AGO2: variants seen among roughly 807,000 people sequenced by gnomAD.
The protein encoded by AGO2 is protein argonaute-2.
In AGO2, 5 loss-of-function variants were observed where a neutral mutation model predicts 102.3. That is an observed-to-expected ratio of 0.05 (90% confidence interval 0.03 to 0.10). The LOEUF is 0.10. Among genes scored for constraint, AGO2 ranks in the 10% least tolerant of loss-of-function variants. The pLI is 1.00. For missense variants in AGO2, 541 were observed against 1,183.7 expected (o/e 0.46, Z 7.97); for synonymous variants, 449 against 473.1 (o/e 0.95, Z 0.66).
chr8:140,577,232 A>G (rs1046820828), intron 2 of AGO2, among the ~76,000 whole-genome samples: 3 of 151,536 alleles, frequency 2.0e-5, no homozygotes, highest in Non-Finnish European at 4.4e-5. Flanking sequence ...AAAAAAAGAA[A>G]CATGCCTGGG....
At position 140,532,163 on chromosome 8, in the gene AGO2, G is replaced by A; in HGVS notation, c.2472-11C>T. 1 of 1,393,436 alleles carries A rather than the reference G, an allele frequency of 7.2e-7. No homozygotes were observed. The highest frequency in any genetic ancestry group is 1.9e-4 in the Middle Eastern group (1 of 5,334). 86.3% of individuals were successfully genotyped at this position (1,393,436 alleles called of 1,614,324 possible). On this transcript the variant is annotated splice_polypyrimidine_tract_variant and intron_variant, in intron 18 of 18. Coordinates refer to ENST00000220592, the MANE Select transcript of AGO2 (RefSeq NM_012154.5). ...TGGCTTCCTTCAGCACTGCAGGGAT[G>A]AGAGAGAGAGAGAATGAGAATGTGC...
At chr8:140,575,286 GGCAGCCAGGGCACAATCTCACCTGGCA>G (rs2073446784) in intron 2 of AGO2, among the ~76,000 whole-genome samples, 4 of 151,042 alleles carry the variant, frequency 2.6e-5, no homozygotes, top group Admixed American at 1.3e-4. Context: ...GCACCTCCCT[GGCAGCCAGGGCACAATCTCACCTGGCA>G]CCTCCCTGGC....
At chr8:140,601,093 GACTGGGTCATCCCTC>G (rs1200284722) in intron 1 of AGO2, among the ~76,000 whole-genome samples, 258 of 152,306 alleles carry the variant, frequency 1.7e-3, no homozygotes, top group Non-Finnish European at 2.5e-3. Context: ...CAGGAAGGGC[GACTGGGTCATCCCTC>G]CACTCTCAAG....
At chr8:140,596,672 G>A (rs1338321790) in intron 1 of AGO2, among the ~76,000 whole-genome samples, 4 of 152,228 alleles carry the variant, frequency 2.6e-5, no homozygotes, top group Non-Finnish European at 5.9e-5. Flanking sequence ...GATTTAAAAA[G>A]TACCCAATGC....
intron 1 of AGO2, among the ~76,000 whole-genome samples, chr8:140,634,725 G>A (rs1371616640): frequency 6.6e-6 from 1 of 152,226 alleles, no homozygotes; most frequent in Non-Finnish European, 1.5e-5. Context: ...AAAGGAATTA[G>A]CACTTGAATG....
At chr8:140,584,444 A>G (rs2073615685) in intron 2 of AGO2, among the ~76,000 whole-genome samples, 1 of 152,234 alleles carries the variant, frequency 6.6e-6, no homozygotes, top group Non-Finnish European at 1.5e-5. Flanking sequence ...ACATGCAGCT[A>G]AACACACAGC....
chr8:140,599,583 A>G (rs2073900754), intron 1 of AGO2, among the ~76,000 whole-genome samples: 1 of 152,186 alleles, frequency 6.6e-6, no homozygotes, highest in African/African-American at 2.4e-5. Context: ...GGTCCAGGCC[A>G]TCACCTAAGT....
intron 8 of AGO2, among the ~76,000 whole-genome samples, chr8:140,556,548 G>A (rs775858748): frequency 1.3e-5 from 2 of 152,182 alleles, no homozygotes; most frequent in Admixed American, 6.5e-5. Flanking sequence ...CCAGGTGAGC[G>A]GGGCTGTGTC....
intron 1 of AGO2, among the ~76,000 whole-genome samples, chr8:140,627,231 C>A (rs1327009097): frequency 2.0e-5 from 3 of 152,248 alleles, no homozygotes; most frequent in Admixed American, 1.3e-4. Context: ...CAGGGCAAAG[C>A]ACCCTCGAGT....
At chr8:140,591,526 C>A (rs976189173) in intron 1 of AGO2, among the ~76,000 whole-genome samples, 1 of 152,178 alleles carries the variant, frequency 6.6e-6, no homozygotes, top group Middle Eastern at 3.2e-3. Flanking sequence ...AGCAATACAG[C>A]GTGCACAGGA....
In AGO2 at chr8:140,540,224, T is replaced by C. The variant is rs2072772557; in HGVS notation, c.2035-770A>G. 6.6e-6 allele frequency among the ~76,000 whole-genome samples: 1 copy of C among 152,158 alleles called. No homozygotes were observed. The highest frequency in any genetic ancestry group is 6.5e-5 in the Admixed American group (1 of 15,280). On this transcript the variant is annotated intron_variant, in intron 15 of 18. Transcript: ENST00000220592. This position sits in a 1 kb window ranked among gnomAD's most constrained non-coding sequence, Gnocchi z 5.0. ...GAGGCCATGGGTCTCGGGAACGAGC[T>C]CTGCTTCCGCTCTGGACTGGGAAGG...
rs1332617762 is a variant in AGO2 at position 140,531,251 on chromosome 8, C to T, written c.*793G>A. ...TGTACTGTATTTATCACCACAGACC[C>T]GTATTCTTTAAAAACTTTGGAAAAT... On this transcript the variant is annotated 3_prime_UTR_variant, in exon 19 of 19. Transcript: ENST00000220592. The T allele has an allele frequency of 2.0e-5, 3 of 152,594 alleles. No homozygotes were observed. Among genetic ancestry groups the T allele is most frequent in the Non-Finnish European group, 4.4e-5 (3 of 68,044 alleles). 9.5% of individuals were successfully genotyped at this position (152,594 alleles called of 1,614,324 possible).
chr8:140,573,967 C>T (rs1039501089), intron 2 of AGO2, among the ~76,000 whole-genome samples: 4 of 152,230 alleles, frequency 2.6e-5, no homozygotes, highest in African/African-American at 9.6e-5. Flanking sequence ...CCCAGCCAAA[C>T]CTCAGCCCAC....
In AGO2 at chr8:140,522,163, G is replaced by A. The variant is rs1238088684; in HGVS notation, c.*9881C>T. 1 of 151,964 alleles carries A rather than the reference G, an allele frequency of 6.6e-6. No homozygotes were observed. Among genetic ancestry groups the A allele is most frequent in the Non-Finnish European group, 1.5e-5 (1 of 68,000 alleles). The allele number at this position is 151,964 out of a possible 1,614,324, so 9.4% of individuals were successfully genotyped here. On this transcript the variant is annotated 3_prime_UTR_variant, in exon 19 of 19. Coordinates refer to ENST00000220592, the MANE Select transcript of AGO2 (RefSeq NM_012154.5). ...TCATACTGAATTTTTTCAATGCATT[G>A]GGGTTCAACATAAAAGGCACAAATA...
rs575944086 is a variant in AGO2, at chr8:140,579,225, A to G, written c.215+5894T>C. Among the ~76,000 whole-genome samples, 4 of 152,074 alleles carry G rather than the reference A, an allele frequency of 2.6e-5. No individual in the cohort carries two copies. In the East Asian group the frequency reaches 7.7e-4, roughly 29 times the overall value. ...GTAACAGAGGGAGACACTGTTTCAA[A>G]AAGAAAAAAAAAAACAAAAAGCTAA... On this transcript the variant is annotated intron_variant, in intron 2 of 18. Coordinates refer to ENST00000220592, the MANE Select transcript of AGO2 (RefSeq NM_012154.5).
chr8:140,537,859 C>G (rs2072724246), intron 16 of AGO2, among the ~76,000 whole-genome samples: 1 of 152,110 alleles, frequency 6.6e-6, no homozygotes, highest in African/African-American at 2.4e-5. Flanking sequence ...CACTCTGCCC[C>G]CCAGGCGGGA....
intron 1 of AGO2, among the ~76,000 whole-genome samples, chr8:140,629,986 C>T (rs375074650): frequency 2.0e-5 from 3 of 152,086 alleles, no homozygotes; most frequent in East Asian, 1.9e-4. Context: ...CCACACAGCC[C>T]GGTTCCTGGC....
Position 140,520,199 on chromosome 8 carries a change from T to A in AGO2, c.*11845A>T, listed in dbSNP as rs1024949633. The A allele has an allele frequency of 6.6e-6, 1 of 152,206 alleles. No individual in the cohort carries two copies. Among genetic ancestry groups the A allele is most frequent in the Non-Finnish European group, 1.5e-5 (1 of 68,032 alleles). The allele number at this position is 152,206 out of a possible 1,614,324, so 9.4% of individuals were successfully genotyped here. ...TATTTAATTTTTTGCTGACATACTA[T>A]GAGGCAAAACAAAATTGACACCATA... On this transcript the variant is annotated 3_prime_UTR_variant, in exon 19 of 19. Coordinates refer to ENST00000220592, the MANE Select transcript of AGO2 (RefSeq NM_012154.5).
chr8:140,631,863 T>C (rs1298233155), intron 1 of AGO2, among the ~76,000 whole-genome samples: 1 of 152,218 alleles, frequency 6.6e-6, no homozygotes, highest in African/African-American at 2.4e-5. Flanking sequence ...AAGGGGCATA[T>C]TTGAAGCAAA....
Sources: gnomAD v4.1 joint callset for allele counts (sites outside exome capture counted in the v4.1 genomes callset) on GRCh38, gnomAD v4.1.1 for gene constraint, Gnocchi (gnomAD v3.1) non-coding constraint, MANE v1.5 for transcripts, NCBI Gene and HGNC (gene_info 2026-07-23, HGNC 2026-07-21) for gene names.